GPR39: variants seen among roughly 807,000 people sequenced by gnomAD.
GPR39 encodes G protein-coupled receptor 39.
Under a neutral mutation model 18.4 loss-of-function variants are expected in GPR39, and 23 were observed. That is an observed-to-expected ratio of 1.25 (90% confidence interval 0.90 to 1.77). The LOEUF (loss-of-function observed/expected upper bound fraction) is 1.77, where lower values mean the gene tolerates loss of function less well. Ranked by LOEUF, GPR39 falls within the 40% of genes most tolerant of loss-of-function variation. The pLI is 0.00. For missense variants in GPR39, 647 were observed against 602.4 expected (o/e 1.07, Z -0.78); for synonymous variants, 280 against 257.9 (o/e 1.09, Z -0.82).
intron 1 of GPR39, among the ~76,000 whole-genome samples, chr2:132,505,979 T>C (rs1679128134): frequency 6.6e-6 from 1 of 152,236 alleles, no homozygotes; most frequent in Non-Finnish European, 1.5e-5. Flanking sequence ...ATCTCCATAC[T>C]GTATTCTACA....
At chr2:132,535,472 T>C (rs1679738704) in intron 1 of GPR39, among the ~76,000 whole-genome samples, 1 of 152,334 alleles carries the variant, frequency 6.6e-6, no homozygotes, top group East Asian at 1.9e-4. Context: ...GACAGTATTT[T>C]ATTGAGGATT....
chr2:132,644,972 T>C lies in GPR39; in HGVS notation c.857-129T>C, dbSNP rs566135107. On this transcript the variant is annotated intron_variant, in intron 1 of 1. Coordinates refer to ENST00000329321, the MANE Select transcript of GPR39 (RefSeq NM_001508.3). ...AGCTGTCAAGTCCAACACTGAAAAA[T>C]TGGTACCATTTCCTGGCCAGTAAGC... is the stretch of plus-strand genomic sequence containing the variant. The C allele has an allele frequency of 2.1e-5, 22 of 1,047,324 alleles. No individual in the cohort carries two copies. The East Asian group carries it at 4.4e-4, about 21-fold the overall frequency. 64.9% of individuals were successfully genotyped at this position (1,047,324 alleles called of 1,614,324 possible).
At chr2:132,477,464 G>T (rs1009510466) in intron 1 of GPR39, among the ~76,000 whole-genome samples, 1 of 152,166 alleles carries the variant, frequency 6.6e-6, no homozygotes, top group Non-Finnish European at 1.5e-5. Flanking sequence ...TACTCGGGAG[G>T]CTGAGGTGAG....
At chr2:132,523,996 A>C (rs577050980) in intron 1 of GPR39, 1 of 152,790 alleles carries the variant, frequency 6.5e-6, no homozygotes, top group African/African-American at 2.4e-5. Context: ...GAGAAATGCA[A>C]ATTATTGGGC....
At chr2:132,612,085 C>A (rs199520747) in intron 1 of GPR39, among the ~76,000 whole-genome samples, 1 of 151,976 alleles carries the variant, frequency 6.6e-6, no homozygotes, top group African/African-American at 2.4e-5. Context: ...GTGCCCTGAA[C>A]TGAGTTTTCT....
chr2:132,605,619 T>A (rs1376507680), intron 1 of GPR39, among the ~76,000 whole-genome samples: 1 of 152,126 alleles, frequency 6.6e-6, no homozygotes, highest in Non-Finnish European at 1.5e-5. Flanking sequence ...TATCTTTCCC[T>A]CTGTTATGCG....
At chr2:132,595,027 T>G (rs1362941832) in intron 1 of GPR39, among the ~76,000 whole-genome samples, 2 of 152,172 alleles carry the variant, frequency 1.3e-5, no homozygotes, top group Non-Finnish European at 2.9e-5. Context: ...AGACAGAGTT[T>G]CACTCTTATT....
intron 1 of GPR39, among the ~76,000 whole-genome samples, chr2:132,509,690 C>G (rs1679205522): frequency 6.6e-6 from 1 of 152,214 alleles, no homozygotes. Context: ...CCTCACAGAA[C>G]TGGCTATTAG....
intron 1 of GPR39, among the ~76,000 whole-genome samples, chr2:132,565,206 C>T (rs1005823848): frequency 6.6e-6 from 1 of 151,884 alleles, no homozygotes; most frequent in African/African-American, 2.4e-5. Context: ...TTTTTGGATG[C>T]TTCCTATGTG....
chr2:132,613,449 T>C (rs777456008), intron 1 of GPR39, among the ~76,000 whole-genome samples: 4 of 152,232 alleles, frequency 2.6e-5, no homozygotes, highest in Non-Finnish European at 4.4e-5. Flanking sequence ...CAGGATGATT[T>C]CCTTGGCCCT....
chr2:132,627,035 A>G (rs749781965), intron 1 of GPR39, among the ~76,000 whole-genome samples: 2 of 152,160 alleles, frequency 1.3e-5, no homozygotes, highest in Non-Finnish European at 2.9e-5. Flanking sequence ...TGGGGATGTC[A>G]TGGCCACAGA....
At chr2:132,626,378 C>T (rs1377229507) in intron 1 of GPR39, among the ~76,000 whole-genome samples, 1 of 152,220 alleles carries the variant, frequency 6.6e-6, no homozygotes, top group East Asian at 1.9e-4. Context: ...GATAGTGGCT[C>T]AGCGAGCAGC....
At chr2:132,550,751 G>A (rs1254257795) in intron 1 of GPR39, among the ~76,000 whole-genome samples, 1 of 152,206 alleles carries the variant, frequency 6.6e-6, no homozygotes, top group Non-Finnish European at 1.5e-5. Context: ...GTTACTCATA[G>A]CGAGAGTTTG....
At chr2:132,480,232 G>A (rs1042793353) in intron 1 of GPR39, among the ~76,000 whole-genome samples, 1 of 152,166 alleles carries the variant, frequency 6.6e-6, no homozygotes, top group Non-Finnish European at 1.5e-5. Flanking sequence ...ACAGAAAGTA[G>A]GATGGTGGTT....
intron 1 of GPR39, among the ~76,000 whole-genome samples, chr2:132,532,280 C>T (rs909918361): frequency 1.3e-5 from 2 of 152,130 alleles, no homozygotes; most frequent in Non-Finnish European, 2.9e-5. Context: ...TACACCCTCC[C>T]AAGACTAAAC....
chr2:132,540,204 A>C (rs1034096302), intron 1 of GPR39, among the ~76,000 whole-genome samples: 1 of 152,044 alleles, frequency 6.6e-6, no homozygotes, highest in African/African-American at 2.4e-5. Flanking sequence ...TTTTCCTTCC[A>C]ATGCAAAATA....
intron 1 of GPR39, among the ~76,000 whole-genome samples, chr2:132,443,788 A>T (rs1240820739): frequency 6.6e-6 from 1 of 152,218 alleles, no homozygotes; most frequent in East Asian, 1.9e-4. Context: ...AAATTTTGTC[A>T]GCCAGGCACA....
At chr2:132,543,426 A>G (rs1309603989) in intron 1 of GPR39, among the ~76,000 whole-genome samples, 1 of 152,148 alleles carries the variant, frequency 6.6e-6, no homozygotes, top group Non-Finnish European at 1.5e-5. Context: ...ATCTGATGTA[A>G]GCACTTGTGG....
chr2:132,486,674 T>G (rs1681346141), intron 1 of GPR39, among the ~76,000 whole-genome samples: 1 of 152,240 alleles, frequency 6.6e-6, no homozygotes, highest in African/African-American at 2.4e-5. Flanking sequence ...TCCCTCAGCC[T>G]TCATAGAATT....
Sources: gnomAD v4.1 joint callset for allele counts (sites outside exome capture counted in the v4.1 genomes callset) on GRCh38, gnomAD v4.1.1 for gene constraint, MANE v1.5 for transcripts, NCBI Gene and HGNC (gene_info 2026-07-23, HGNC 2026-07-21) for gene names.